The following KDR variants were observed in gnomAD, a reference collection of about 807,000 sequenced individuals.
KDR encodes the protein vascular endothelial growth factor receptor 2.
KDR carries 43 observed loss-of-function variants against 160.9 expected under a neutral mutation model. The ratio of observed to expected loss-of-function variants is 0.27; its 90% confidence interval spans 0.21 to 0.34. KDR has a LOEUF of 0.34. Ranked by LOEUF, KDR falls within the 10% of genes least tolerant of loss-of-function variation. The pLI is 1.00. For missense variants in KDR, 1,469 were observed against 1,666.4 expected (o/e 0.88, Z 2.06); for synonymous variants, 617 against 600.1 (o/e 1.03, Z -0.41).
intron 15 of KDR, among the ~76,000 whole-genome samples, chr4:55,101,115 T>C (rs1388027670): frequency 1.3e-5 from 2 of 152,182 alleles, no homozygotes; most frequent in African/African-American, 4.8e-5. Flanking sequence ...GGAATCCTTG[T>C]GACTATCTGG....
At chr4:55,090,837 C>T (rs1276094585) in intron 22 of KDR, among the ~76,000 whole-genome samples, 1 of 143,868 alleles carries the variant, frequency 7.0e-6, no homozygotes, top group Admixed American at 7.1e-5. Flanking sequence ...GAATCAATGG[C>T]TTAGAAGAAA....
At chr4:55,121,037 C>G in intron 2 of KDR, 60 bp downstream of exon 2, 1 of 1,162,130 alleles carries the variant, frequency 8.6e-7, no homozygotes, top group Non-Finnish European at 1.3e-6. Flanking sequence ...GAAATTATTT[C>G]CACTCAATAA....
intron 3 of KDR, among the ~76,000 whole-genome samples, chr4:55,116,323 C>T (rs761797273): frequency 1.1e-4 from 16 of 149,166 alleles, no homozygotes; most frequent in Non-Finnish European, 1.9e-4. Context: ...GAGGCTGAGG[C>T]AGGAGAATCA....
Position 55,115,127 on chromosome 4 carries a change from ATTTTT to A in KDR, c.490-90_490-86del, listed in dbSNP as rs1180085777. 3.8e-6 allele frequency: 5 copies of A among 1,303,716 alleles called. No individual in the cohort carries two copies. In the Admixed American group the frequency reaches 9.3e-5, roughly 24 times the overall value. 80.8% of individuals were successfully genotyped at this position (1,303,716 alleles called of 1,614,324 possible). A position where few individuals can be genotyped will look rare whatever the true frequency, so the allele number is the denominator to read the frequency against. ...CAATGATCACTGAAGAATTCATCTTATTTTTAAGAATACTAATTAGTTTTATTCAT... is the reference window on the plus strand; with the variant it reads ...CAATGATCACTGAAGAATTCATCTTAAAGAATACTAATTAGTTTTATTCAT... On this transcript the variant is annotated intron_variant, in intron 4 of 29. Transcript: ENST00000263923.
chr4:55,104,510 T>C (rs1720387724), intron 13 of KDR, 133 bp downstream of exon 13: 2 of 739,236 alleles, frequency 2.7e-6, no homozygotes, highest in South Asian at 1.5e-5. Context: ...CTCAAGGACT[T>C]TCGGTGAAGA....
In KDR at chr4:55,082,124, T is replaced by C. The variant is rs1719750541; in HGVS notation, c.3763-83A>G. 2.9e-5 allele frequency: 27 copies of C among 936,938 alleles called. No homozygotes were observed. The South Asian group carries it at 3.1e-4, about 11-fold the overall frequency. 58.0% of individuals were successfully genotyped at this position (936,938 alleles called of 1,614,324 possible). A position where few individuals can be genotyped will look rare whatever the true frequency, so the allele number is the denominator to read the frequency against. ...TTAATTAAGCTGATTTCTCAACCCA[T>C]CTATCATGTCTATCAAATAAGGTCC... is the stretch of plus-strand genomic sequence containing the variant. On this transcript the variant is annotated intron_variant, in intron 28 of 29. Transcript: ENST00000263923.
At chr4:55,121,974 T>G (rs1720892277) in intron 1 of KDR, among the ~76,000 whole-genome samples, 1 of 152,180 alleles carries the variant, frequency 6.6e-6, no homozygotes, top group Non-Finnish European at 1.5e-5. Flanking sequence ...CACACATACA[T>G]GCAAACTAAT....
At chr4:55,082,738 A>C in intron 27 of KDR, 103 bp from the exon 28 acceptor site, 1 of 818,348 alleles carries the variant, frequency 1.2e-6, no homozygotes, top group Non-Finnish European at 2.1e-6. Flanking sequence ...AGCAACCTTC[A>C]AAACATCCTT....
intron 29 of KDR, among the ~76,000 whole-genome samples, chr4:55,081,109 T>C (rs1019484154): frequency 3.9e-5 from 6 of 152,254 alleles, no homozygotes; most frequent in African/African-American, 1.4e-4. Context: ...AAACATATCA[T>C]TGACTTTCAC....
intron 22 of KDR, 101 bp from the exon 23 acceptor site, chr4:55,090,179 C>A: frequency 7.4e-7 from 1 of 1,355,826 alleles, no homozygotes; most frequent in Non-Finnish European, 1.0e-6. Flanking sequence ...ATCAGAAAGC[C>A]AACTGATTAA....
At chr4:55,112,137 C>G (rs760688712) in intron 7 of KDR, among the ~76,000 whole-genome samples, 1 of 152,054 alleles carries the variant, frequency 6.6e-6, no homozygotes, top group Non-Finnish European at 1.5e-5. Flanking sequence ...AATTTAATTC[C>G]AGTTCAATTA....
chr4:55,094,101 C>T (rs919695969), intron 21 of KDR, among the ~76,000 whole-genome samples: 5 of 151,776 alleles, frequency 3.3e-5, no homozygotes, highest in Non-Finnish European at 5.9e-5. Flanking sequence ...CCCAGCTACT[C>T]GGAAGGCTGA....
intron 3 of KDR, among the ~76,000 whole-genome samples, chr4:55,118,100 A>T (rs1470201866): frequency 6.6e-6 from 1 of 152,134 alleles, no homozygotes; most frequent in Non-Finnish European, 1.5e-5. Context: ...TTATTTGCAC[A>T]TGAGTATGGG....
At chr4:55,092,536 G>A in intron 22 of KDR, 81 bp downstream of exon 22, 1 of 972,254 alleles carries the variant, frequency 1.0e-6, no homozygotes. Context: ...TCCCAAACAA[G>A]CACCAATGGC....
chr4:55,121,363 T>C (rs978936685), intron 1 of KDR, among the ~76,000 whole-genome samples, 173 bp from the exon 2 acceptor site: 2 of 152,230 alleles, frequency 1.3e-5, no homozygotes, highest in South Asian at 2.1e-4. Flanking sequence ...AGCTGTGTCA[T>C]AACAGGAAGA....
chr4:55,081,432 T>A (rs1719733645), intron 29 of KDR, among the ~76,000 whole-genome samples: 1 of 152,208 alleles, frequency 6.6e-6, no homozygotes, highest in African/African-American at 2.4e-5. Context: ...TACAAATTCC[T>A]ACTGAGCCAT....
chr4:55,112,897 G>A (rs555900913), intron 7 of KDR, among the ~76,000 whole-genome samples: 3 of 152,270 alleles, frequency 2.0e-5, no homozygotes, highest in Admixed American at 2.0e-4. Flanking sequence ...CCCAATCCCT[G>A]AGTTGCTCAC....
intron 2 of KDR, among the ~76,000 whole-genome samples, chr4:55,119,548 T>C (rs1720814477): frequency 6.6e-6 from 1 of 152,120 alleles, no homozygotes. Context: ...GAGTAAAGAA[T>C]TTTGCAGGAG....
At chr4:55,098,972 T>G (rs1215935502) in intron 15 of KDR, among the ~76,000 whole-genome samples, 169 bp from the exon 16 acceptor site, 2 of 150,538 alleles carry the variant, frequency 1.3e-5, no homozygotes, top group Non-Finnish European at 2.9e-5. Flanking sequence ...AGAATTCTTT[T>G]TTTGAATTTA....
Sources: allele counts gnomAD v4.1 joint callset (sites outside exome capture counted in the v4.1 genomes callset), GRCh38; gene constraint gnomAD v4.1.1; transcripts MANE v1.5; gene names NCBI Gene and HGNC (gene_info 2026-07-23, HGNC 2026-07-21).